The following ADGRL3 variants were observed in gnomAD, a reference collection of about 807,000 sequenced individuals.
ADGRL3 encodes the protein calcium-independent alpha-latrotoxin receptor 3.
Under a neutral mutation model 153.5 loss-of-function variants are expected in ADGRL3, and 62 were observed. The ratio of observed to expected loss-of-function variants is 0.40; its 90% confidence interval spans 0.33 to 0.50. The LOEUF (loss-of-function observed/expected upper bound fraction) is 0.50, where lower values mean the gene tolerates loss of function less well. ADGRL3 is among the 20% of genes least tolerant of loss of function. The pLI, the probability that ADGRL3 is intolerant of heterozygous loss-of-function variation, is 0.47. For missense variants in ADGRL3, 1,641 were observed against 1,859.4 expected, an observed-to-expected ratio of 0.88 and a Z score of 2.16; for synonymous variants, 710 against 672.5, an observed-to-expected ratio of 1.06 and a Z score of -0.86.
intron 4 of ADGRL3, among the ~76,000 whole-genome samples, chr4:61,579,789 T>C (rs2098915864): frequency 6.6e-6 from 1 of 152,152 alleles, no homozygotes; most frequent in Admixed American, 6.6e-5. Context: ...TTACACTTAG[T>C]TAAATGCTAA....
chr4:61,959,035 T>A (rs1358754715), intron 17 of ADGRL3, among the ~76,000 whole-genome samples: 2 of 152,178 alleles, frequency 1.3e-5, no homozygotes, highest in Non-Finnish European at 2.9e-5. Context: ...GTAATGTAAT[T>A]GTATACTTAA....
chr4:61,387,245 G>A (rs2096748341), intron 2 of ADGRL3, among the ~76,000 whole-genome samples: 1 of 152,096 alleles, frequency 6.6e-6, no homozygotes, highest in Non-Finnish European at 1.5e-5. Context: ...GTACTTAACA[G>A]GGTAATAGAA....
At chr4:61,373,596 A>C (rs1447861245) in intron 1 of ADGRL3, among the ~76,000 whole-genome samples, 1 of 152,230 alleles carries the variant, frequency 6.6e-6, no homozygotes, top group East Asian at 1.9e-4. Context: ...AATCAGCATC[A>C]ATTAAATTTA....
Position 62,037,778 on chromosome 4 carries a change from C to CA in ADGRL3, c.3643dup (p.Ser1215LysfsTer30). 2 of 1,613,694 alleles carry CA rather than the reference C, an allele frequency of 1.2e-6. No individual in the cohort carries two copies. Among genetic ancestry groups the CA allele is most frequent in the Non-Finnish European group, 1.7e-6 (2 of 1,179,742 alleles). ...GCCTGCGAACACATTGCTGTAGTGGCAAAAGTACAGAGAGTTCCATTGGTT... is the reference window on the plus strand; with the variant it reads ...GCCTGCGAACACATTGCTGTAGTGGCAAAAAGTACAGAGAGTTCCATTGGTT... On this transcript the variant is annotated frameshift_variant, in exon 24 of 27. Coordinates refer to ENST00000683033, the MANE Select transcript of ADGRL3 (RefSeq NM_001387552.1). LOFTEE classifies it high-confidence loss of function.
At chr4:61,674,235 A>G (rs2095110834) in intron 5 of ADGRL3, among the ~76,000 whole-genome samples, 1 of 151,576 alleles carries the variant, frequency 6.6e-6, no homozygotes, top group Non-Finnish European at 1.5e-5. Flanking sequence ...TCTAATCTAT[A>G]TAAACATAAC....
At chr4:61,667,412 C>G (rs2094837851) in intron 5 of ADGRL3, among the ~76,000 whole-genome samples, 1 of 151,976 alleles carries the variant, frequency 6.6e-6, no homozygotes, top group South Asian at 2.1e-4. Flanking sequence ...CAAATAAGAT[C>G]TTGTAATACG....
chr4:61,602,481 T>C (rs1225454560), intron 5 of ADGRL3, among the ~76,000 whole-genome samples: 1 of 152,148 alleles, frequency 6.6e-6, no homozygotes, highest in Non-Finnish European at 1.5e-5. Context: ...CCAAACATGC[T>C]GCAAAATATC....
chr4:61,646,128 A>G (rs1030644331), intron 5 of ADGRL3, among the ~76,000 whole-genome samples: 1 of 151,972 alleles, frequency 6.6e-6, no homozygotes, highest in African/African-American at 2.4e-5. Context: ...CTTGGTTTTC[A>G]GCTCCATCAG....
intron 4 of ADGRL3, among the ~76,000 whole-genome samples, chr4:61,567,888 C>T (rs912186799): frequency 3.3e-5 from 5 of 152,220 alleles, no homozygotes; most frequent in Admixed American, 1.3e-4. Context: ...TTAAACATGA[C>T]GTTTTGTCTT....
chr4:61,434,039 C>T (rs937628978), intron 2 of ADGRL3, among the ~76,000 whole-genome samples: 1 of 152,068 alleles, frequency 6.6e-6, no homozygotes, highest in Non-Finnish European at 1.5e-5. Context: ...CCAATTAATC[C>T]AAGCCACCTG....
intron 8 of ADGRL3, among the ~76,000 whole-genome samples, chr4:61,743,336 A>C (rs957317940): frequency 2.0e-5 from 3 of 151,254 alleles, no homozygotes; most frequent in African/African-American, 4.8e-5. Flanking sequence ...AAAAAAAAAA[A>C]AAAAAAAAAA....
intron 2 of ADGRL3, among the ~76,000 whole-genome samples, chr4:61,434,643 C>G (rs1306333964): frequency 6.6e-6 from 1 of 151,980 alleles, no homozygotes; most frequent in East Asian, 1.9e-4. Context: ...AAAATGTTCT[C>G]AAATTTCATT....
rs542648322 is a variant in ADGRL3 at position 61,924,299 on chromosome 4, C to G, written c.2113-10541C>G. Reference sequence around the variant, plus strand: ...CTCCTTCATTGGTTCCTCCTCTTCTCCTCAAACCCTTAAGCTTGGAGTGCC... The same window carrying G: ...CTCCTTCATTGGTTCCTCCTCTTCTGCTCAAACCCTTAAGCTTGGAGTGCC... On this transcript the variant is annotated intron_variant, in intron 13 of 26. Coordinates refer to ENST00000683033, the MANE Select transcript of ADGRL3 (RefSeq NM_001387552.1). Among the ~76,000 whole-genome samples the G allele has an allele frequency of 1.4e-4, 22 of 152,248 alleles. No homozygotes were observed. In the East Asian group the frequency reaches 2.5e-3, roughly 17 times the overall value.
At chr4:61,607,320 C>A (rs2149616317) in intron 5 of ADGRL3, among the ~76,000 whole-genome samples, 1 of 152,194 alleles carries the variant, frequency 6.6e-6, no homozygotes, top group East Asian at 1.9e-4. Context: ...CCAATCTGGC[C>A]AGGCGCAGTG....
chr4:61,779,743 T>C (rs2097193591), intron 8 of ADGRL3, among the ~76,000 whole-genome samples: 2 of 152,060 alleles, frequency 1.3e-5, no homozygotes, highest in South Asian at 4.1e-4. Context: ...TAAACTGTTT[T>C]TTGTGTTTTA....
chr4:61,955,235 C>A (rs1207121031), intron 17 of ADGRL3, among the ~76,000 whole-genome samples: 4 of 152,080 alleles, frequency 2.6e-5, no homozygotes, highest in African/African-American at 9.7e-5. Flanking sequence ...TTTCAGTGAT[C>A]TAGCCCTTAG....
chr4:62,036,979 CTCT>C (rs1258290130), intron 23 of ADGRL3, among the ~76,000 whole-genome samples: 18 of 151,988 alleles, frequency 1.2e-4, no homozygotes, highest in African/African-American at 4.3e-4. Flanking sequence ...TCAGCTAAAA[CTCT>C]TCTTTTTCCC....
intron 2 of ADGRL3, among the ~76,000 whole-genome samples, chr4:61,476,708 TAAAAAAAAAAAAAAAAAA>T (rs34866230): frequency 1.5e-3 from 50 of 33,576 alleles, no homozygotes; most frequent in Admixed American, 3.7e-3. Context: ...AGACTCTGTC[TAAAAAAAAAAAAAAAAAA>T]AAAAAAAAAA....
chr4:61,390,110 T>G (rs62305272), intron 2 of ADGRL3, among the ~76,000 whole-genome samples: 2 of 152,100 alleles, frequency 1.3e-5, no homozygotes, highest in African/African-American at 2.4e-5. Context: ...AAAACTTATG[T>G]TAAATTTTAA....
Sources: allele counts gnomAD v4.1 joint callset (sites outside exome capture counted in the v4.1 genomes callset), GRCh38; gene constraint gnomAD v4.1.1; transcripts MANE v1.5; gene names NCBI Gene and HGNC (gene_info 2026-07-23, HGNC 2026-07-21).